The following AUTS2 variants were observed in gnomAD, a reference collection of about 807,000 sequenced individuals.
The protein encoded by AUTS2 is autism susceptibility gene 2 protein.
In AUTS2, 17 loss-of-function variants were observed where a neutral mutation model predicts 112.4. That is an observed-to-expected ratio of 0.15 (90% CI 0.10 to 0.23). The LOEUF is 0.23. Ranked by LOEUF, AUTS2 falls within the 10% of genes least tolerant of loss-of-function variation. The probability of loss-of-function intolerance (pLI) is 1.00; values close to 1 mark genes in which losing one functional copy is unlikely to be tolerated. For missense variants in AUTS2, 1,510 were observed against 1,701.6 expected (o/e 0.89, Z 1.98); for synonymous variants, 751 against 702.7 (o/e 1.07, Z -1.09).
In AUTS2 at chr7:69,614,370, T is replaced by TC. The variant is rs1322536871; in HGVS notation, c.309+14408_309+14409insC. Among the ~76,000 whole-genome samples, 17 of 28,562 alleles carry TC rather than the reference T, an allele frequency of 6.0e-4. 2 individuals carry two copies. Among genetic ancestry groups the TC allele is most frequent in the Middle Eastern group, 0.017 (1 of 58 alleles). 18.7% of individuals were successfully genotyped at this position (28,562 alleles called of 152,430 possible). ...TTTCTTTCTTTCTTTCTTTCTTTTT[T>TC]TAAGAGATGGGATCTCACTCTGTTT... On this transcript the variant is annotated intron_variant, in intron 1 of 18. Coordinates refer to ENST00000342771, the MANE Select transcript of AUTS2 (RefSeq NM_015570.4).
At chr7:70,671,279 G>T (rs2129544048) in intron 5 of AUTS2, among the ~76,000 whole-genome samples, 1 of 152,328 alleles carries the variant, frequency 6.6e-6, no homozygotes, top group Non-Finnish European at 1.5e-5. Context: ...TCCCCAGCTG[G>T]GTATTCAGTG....
At chr7:69,722,579 G>T (rs138805203) in intron 1 of AUTS2, among the ~76,000 whole-genome samples, 3 of 151,972 alleles carry the variant, frequency 2.0e-5, no homozygotes, top group African/African-American at 7.3e-5. Flanking sequence ...CGAGTGATCC[G>T]CCTGCCTTGT....
At chr7:69,624,839 T>G (rs1043627570) in intron 1 of AUTS2, among the ~76,000 whole-genome samples, 1 of 152,232 alleles carries the variant, frequency 6.6e-6, no homozygotes, top group African/African-American at 2.4e-5. Flanking sequence ...TATTCCTGTG[T>G]GCACAAAGGA....
At chr7:70,359,993 C>T (rs1454906628) in intron 4 of AUTS2, among the ~76,000 whole-genome samples, 2 of 152,140 alleles carry the variant, frequency 1.3e-5, no homozygotes, top group African/African-American at 4.8e-5. Flanking sequence ...TGATTTTGAT[C>T]TTCCTTTAAA....
chr7:70,435,792 C>G lies in AUTS2; in HGVS notation c.690+11C>G, dbSNP rs201020051. On this transcript the variant is annotated intron_variant, in intron 5 of 18. Transcript: ENST00000342771. ...GACCAGGAAGAGAAGGTAAGACCCC[C>G]CCTCCCCCATTGTGGGCACAGCACA... 1 of 1,613,656 alleles carries G rather than the reference C, an allele frequency of 6.2e-7. No individual in the cohort carries two copies. The highest frequency in any genetic ancestry group is 1.1e-5 in the South Asian group (1 of 91,062).
chr7:70,770,392 A>G (rs1790260809), intron 10 of AUTS2, among the ~76,000 whole-genome samples: 1 of 152,266 alleles, frequency 6.6e-6, no homozygotes, highest in South Asian at 2.1e-4. Flanking sequence ...CATTACCAAA[A>G]ATAACTAACA....
chr7:70,065,655 C>T (rs1802454968), intron 2 of AUTS2, among the ~76,000 whole-genome samples: 1 of 152,194 alleles, frequency 6.6e-6, no homozygotes, highest in Admixed American at 6.5e-5. Flanking sequence ...CGAGATGGTG[C>T]CACTGCACTC....
At chr7:69,808,427 A>C (rs921658162) in intron 1 of AUTS2, among the ~76,000 whole-genome samples, 2 of 152,234 alleles carry the variant, frequency 1.3e-5, no homozygotes, top group African/African-American at 4.8e-5. Context: ...TCATGGCACT[A>C]TACTAGTTTA....
chr7:70,754,510 A>G lies in AUTS2; in HGVS notation c.743-8360A>G, dbSNP rs555143401. On this transcript the variant is annotated intron_variant, in intron 6 of 18. Transcript: ENST00000342771. ...TCCAAAAAAATAAAATAAAATAGAC[A>G]TTGCTACCAGCTTGAGGTAATTGCA... 9.8e-5 allele frequency among the ~76,000 whole-genome samples: 15 copies of G among 152,338 alleles called. No homozygotes were observed. The South Asian group carries it at 3.1e-3, about 32-fold the overall frequency.
intron 2 of AUTS2, among the ~76,000 whole-genome samples, chr7:70,021,408 G>T (rs1464886610): frequency 1.3e-5 from 2 of 152,192 alleles, no homozygotes; most frequent in Non-Finnish European, 2.9e-5. Flanking sequence ...GCTTTGAGAA[G>T]TGTGAAGCTG....
Position 69,599,585 on chromosome 7 carries a change from ATT to A in AUTS2, c.-61_-60del. 2 of 1,215,510 alleles carry A rather than the reference ATT, an allele frequency of 1.6e-6. No homozygotes were observed. The highest frequency in any genetic ancestry group is 3.9e-5 in the South Asian group (1 of 25,736). The allele number at this position is 1,215,510 out of a possible 1,614,324, so 75.3% of individuals were successfully genotyped here. The stretch of plus-strand genomic sequence containing the variant: ...AAGGGGGAGGGAGGGCTCGGTGTCA[ATT>A]TTTTTTTGTGTGGCTGCGGCCGTAG... On this transcript the variant is annotated 5_prime_UTR_variant, in exon 1 of 19. Transcript: ENST00000342771. This position sits in a 1 kb window ranked among gnomAD's most constrained non-coding sequence, Gnocchi z 7.0.
intron 1 of AUTS2, among the ~76,000 whole-genome samples, chr7:69,827,367 G>A (rs573631836): frequency 5.9e-5 from 9 of 152,142 alleles, no homozygotes; most frequent in Admixed American, 1.3e-4. Flanking sequence ...GTGTGTTTGC[G>A]CAGCACACTT....
At chr7:70,125,246 TG>T (rs1418432959) in intron 3 of AUTS2, among the ~76,000 whole-genome samples, 2 of 27,796 alleles carry the variant, frequency 7.2e-5, no homozygotes, top group African/African-American at 2.0e-4. Flanking sequence ...TATTTGGAGA[TG>T]TGTGTGTGTG....
At chr7:69,689,815 TTACAGGCATGTGC>T (rs1797245692) in intron 1 of AUTS2, among the ~76,000 whole-genome samples, 1 of 151,016 alleles carries the variant, frequency 6.6e-6, no homozygotes, top group South Asian at 2.1e-4. Context: ...GTAGCTAGGA[TTACAGGCATGTGC>T]CACCATGCCC....
At chr7:70,785,056 C>T in intron 16 of AUTS2, 37 bp downstream of exon 16, 4 of 1,601,074 alleles carry the variant, frequency 2.5e-6, no homozygotes, top group Non-Finnish European at 3.4e-6. Flanking sequence ...GAGATGTGTG[C>T]TTCAGGCAAC....
intron 2 of AUTS2, among the ~76,000 whole-genome samples, chr7:70,037,471 A>G (rs1049930488): frequency 1.3e-5 from 2 of 152,200 alleles, no homozygotes; most frequent in Admixed American, 1.3e-4. Context: ...TTTACTATAT[A>G]TATGTACCTG....
At chr7:70,513,547 C>T (rs1406913497) in intron 5 of AUTS2, among the ~76,000 whole-genome samples, 1 of 152,202 alleles carries the variant, frequency 6.6e-6, no homozygotes, top group African/African-American at 2.4e-5. Context: ...GAAGCTTACT[C>T]CATCTCAAAT....
At chr7:69,711,600 T>G (rs1425972411) in intron 1 of AUTS2, among the ~76,000 whole-genome samples, 1 of 152,194 alleles carries the variant, frequency 6.6e-6, no homozygotes, top group African/African-American at 2.4e-5. Flanking sequence ...TTTGCTTGTT[T>G]CCTTTAAATC....
intron 14 of AUTS2, among the ~76,000 whole-genome samples, chr7:70,780,043 AGT>A (rs1461710487): frequency 6.6e-6 from 1 of 150,868 alleles, no homozygotes. Context: ...AAAAAAAAAG[AGT>A]GAAAGTCAGA....
Sources: allele counts gnomAD v4.1 joint callset (sites outside exome capture counted in the v4.1 genomes callset), GRCh38; gene constraint gnomAD v4.1.1; non-coding constraint Gnocchi (gnomAD v3.1); transcripts MANE v1.5; gene names NCBI Gene and HGNC (gene_info 2026-07-23, HGNC 2026-07-21).